ARID2: variants seen among roughly 807,000 people sequenced by gnomAD.
The protein encoded by ARID2 is AT-rich interaction domain 2.
Under a neutral mutation model 184.6 loss-of-function variants are expected in ARID2, and 32 were observed. That is an observed-to-expected ratio of 0.17 (90% CI 0.13 to 0.23). The LOEUF is 0.23. ARID2 is among the 10% of genes least tolerant of loss of function. The pLI, the probability that ARID2 is intolerant of heterozygous loss-of-function variation, is 1.00. For synonymous variants in ARID2, 836 were observed against 772.6 expected, an observed-to-expected ratio of 1.08 and a Z score of -1.36; for missense variants, 1,696 against 2,197.6, an observed-to-expected ratio of 0.77 and a Z score of 4.56.
At position 45,907,832 on chromosome 12, in the gene ARID2, T is replaced by C. The variant is rs1452374349; in HGVS notation, c.*2754T>C. ...TGTTATATATGTGCCTAGTGCTCTGTTGGCACTCAATAAATTTTAAGTAAC... is the reference window on the plus strand; with the variant it reads ...TGTTATATATGTGCCTAGTGCTCTGCTGGCACTCAATAAATTTTAAGTAAC... On this transcript the variant is annotated 3_prime_UTR_variant, in exon 21 of 21. Coordinates refer to ENST00000334344, the MANE Select transcript of ARID2 (RefSeq NM_152641.4). 3 of 232,068 alleles carry C rather than the reference T, an allele frequency of 1.3e-5. No homozygotes were observed. The highest frequency in any genetic ancestry group is 2.6e-5 in the Non-Finnish European group (3 of 117,192). The allele number at this position is 232,068 out of a possible 1,614,324, so 14.4% of individuals were successfully genotyped here.
chr12:45,804,913 A>G (rs1278325487), intron 3 of ARID2, among the ~76,000 whole-genome samples: 1 of 152,030 alleles, frequency 6.6e-6, no homozygotes, highest in African/African-American at 2.4e-5. Context: ...CATGCTTATG[A>G]TCTTCATATA....
chr12:45,838,623 A>G (rs2138134772), intron 10 of ARID2, among the ~76,000 whole-genome samples: 1 of 152,080 alleles, frequency 6.6e-6, no homozygotes, highest in Middle Eastern at 3.4e-3. Context: ...AAAATTAACC[A>G]GATGTAGTGG....
At chr12:45,899,633 T>TTA (rs1207556055) in intron 20 of ARID2, among the ~76,000 whole-genome samples, 338 of 134,694 alleles carry the variant, frequency 2.5e-3, no homozygotes, top group African/African-American at 8.8e-3. Context: ...ATATATTTGG[T>TTA]TATATATATA....
At position 45,852,616 on chromosome 12, in the gene ARID2, C is replaced by T. The variant is rs762564588; in HGVS notation, c.4493C>T (p.Ala1498Val). The T allele has an allele frequency of 8.1e-6, 13 of 1,614,172 alleles. No homozygotes were observed. The East Asian group carries it at 2.7e-4, about 33-fold the overall frequency. Residue 1498 changes from alanine to valine, a missense_variant, in exon 15 of 21, where the codon GCC (alanine) becomes GTC (valine). Physicochemically the swap from Ala to Val is moderately conservative, Grantham distance 64. Transcript: ENST00000334344. The stretch of plus-strand genomic sequence containing the variant: ...GGATCAAAAGTATCCCATTCTCCTG[C>T]CCTATCATCTGACGTTCGGTCTACA... ...DSGSKVSHSPALSSDVRSTNG... is the reference protein window; with the variant it reads ...DSGSKVSHSPVLSSDVRSTNG...
intron 3 of ARID2, among the ~76,000 whole-genome samples, chr12:45,774,708 C>T (rs1008958383): frequency 2.0e-5 from 3 of 152,146 alleles, no homozygotes; most frequent in African/African-American, 7.2e-5. Flanking sequence ...TGAGTTCAGA[C>T]TCCTGTTACT....
chr12:45,893,823 C>G, intron 20 of ARID2, 102 bp downstream of exon 20: 1 of 1,108,212 alleles, frequency 9.0e-7, no homozygotes, highest in Non-Finnish European at 1.2e-6. Flanking sequence ...TTGTTTTTCT[C>G]ATCAATTTTG....
chr12:45,844,850 CA>C (rs1409114375), intron 11 of ARID2, among the ~76,000 whole-genome samples: 1 of 152,096 alleles, frequency 6.6e-6, no homozygotes, highest in Non-Finnish European at 1.5e-5. Flanking sequence ...AACCATAATG[CA>C]TAATCCTGCA....
At chr12:45,817,147 G>A (rs1942817898) in intron 4 of ARID2, among the ~76,000 whole-genome samples, 1 of 152,090 alleles carries the variant, frequency 6.6e-6, no homozygotes, top group Admixed American at 6.5e-5. Context: ...CATAAACTCG[G>A]TAGATTGAGA....
At position 45,785,392 on chromosome 12, in the gene ARID2, G is replaced by A. The variant is rs78316995; in HGVS notation, c.285-26026G>A. ...TTCATTATATTAAATGAGAGGATTC[G>A]GTTAGGATTGATGTTTTCCATAAGA... is the stretch of plus-strand genomic sequence containing the variant. On this transcript the variant is annotated intron_variant, in intron 3 of 20. Transcript: ENST00000334344. Among the ~76,000 whole-genome samples the A allele has an allele frequency of 5.2e-3, 799 of 152,198 alleles. 5 individuals carry two copies. The highest frequency in any genetic ancestry group is 0.018 in the African/African-American group (737 of 41,516).
At chr12:45,879,892 G>C (rs895226949) in intron 16 of ARID2, among the ~76,000 whole-genome samples, 1 of 152,144 alleles carries the variant, frequency 6.6e-6, no homozygotes. Context: ...ATGAATTGCT[G>C]TTTAAATTCT....
chr12:45,883,487 C>T (rs1374352679), intron 16 of ARID2, among the ~76,000 whole-genome samples: 2 of 148,500 alleles, frequency 1.3e-5, no homozygotes, highest in African/African-American at 5.0e-5. Flanking sequence ...CTTATTTATT[C>T]CTTGGAAACT....
At chr12:45,752,628 CCTT>C (rs1176471429) in intron 3 of ARID2, among the ~76,000 whole-genome samples, 23 of 152,136 alleles carry the variant, frequency 1.5e-4, no homozygotes, top group Admixed American at 7.2e-4. Flanking sequence ...CTCAAGCAGT[CCTT>C]CTGCCTCACT....
intron 3 of ARID2, among the ~76,000 whole-genome samples, chr12:45,769,125 T>A (rs1023268785): frequency 7.9e-5 from 12 of 151,984 alleles, no homozygotes; most frequent in Non-Finnish European, 7.4e-5. Context: ...AATGGTCAGT[T>A]CCCAACAAAA....
intron 3 of ARID2, among the ~76,000 whole-genome samples, chr12:45,804,120 A>G (rs1331429184): frequency 6.6e-6 from 1 of 152,136 alleles, no homozygotes; most frequent in African/African-American, 2.4e-5. Flanking sequence ...AGAAGCAAGT[A>G]CTGTTGTGGC....
At chr12:45,900,043 T>C (rs983640381) in intron 20 of ARID2, among the ~76,000 whole-genome samples, 112 of 151,958 alleles carry the variant, frequency 7.4e-4, no homozygotes, top group African/African-American at 2.6e-3. Context: ...TGCTATACTA[T>C]TATGTTTTTC....
At chr12:45,893,343 G>T (rs2136461815) in intron 18 of ARID2, 77 bp from the exon 19 acceptor site, 1 of 1,497,312 alleles carries the variant, frequency 6.7e-7, no homozygotes, top group Non-Finnish European at 9.0e-7. Flanking sequence ...AAAGGGGTTG[G>T]CAGGGTGGTC....
intron 20 of ARID2, among the ~76,000 whole-genome samples, chr12:45,896,358 G>A (rs1944367571): frequency 6.6e-6 from 1 of 152,162 alleles, no homozygotes; most frequent in African/African-American, 2.4e-5. Context: ...GAAGGCTGAT[G>A]CGGTTTGGCT....
At chr12:45,857,721 T>G (rs897494697) in intron 15 of ARID2, among the ~76,000 whole-genome samples, 2 of 152,136 alleles carry the variant, frequency 1.3e-5, no homozygotes, top group Non-Finnish European at 2.9e-5. Flanking sequence ...CTCTGAAGAC[T>G]TATACATTTA....
rs538696807 is a variant in ARID2, at chr12:45,758,167, TAGG to T, written c.284+26854_284+26856del. Among the ~76,000 whole-genome samples, 829 of 152,258 alleles carry T rather than the reference TAGG, an allele frequency of 5.4e-3. 7 individuals carry two copies. The highest frequency in any genetic ancestry group is 0.019 in the African/African-American group (791 of 41,550). On this transcript the variant is annotated intron_variant, in intron 3 of 20. Coordinates refer to ENST00000334344, the MANE Select transcript of ARID2 (RefSeq NM_152641.4). ...TCTTGAGAAAAATGTAAAAGATAAA[TAGG>T]TGGGCATTTTTTATGAAATTATTAA...
Sources: gnomAD v4.1 joint callset for allele counts (sites outside exome capture counted in the v4.1 genomes callset) on GRCh38, gnomAD v4.1.1 for gene constraint, MANE v1.5 for transcripts, NCBI Gene and HGNC (gene_info 2026-07-23, HGNC 2026-07-21) for gene names.